PIWIL1: variants seen among roughly 807,000 people sequenced by gnomAD.
PIWIL1 encodes the protein piwi like RNA-mediated gene silencing 1.
In PIWIL1, 73 loss-of-function variants were observed where a neutral mutation model predicts 114.4. That is an observed-to-expected ratio of 0.64 (90% CI 0.53 to 0.78). PIWIL1 has a LOEUF of 0.78. Among genes scored for constraint, PIWIL1 ranks in the 30% least tolerant of loss-of-function variants. The pLI, the probability that PIWIL1 is intolerant of heterozygous loss-of-function variation, is 0.00. For missense variants in PIWIL1, 723 were observed against 1,063.1 expected, an observed-to-expected ratio of 0.68 and a Z score of 4.45; for synonymous variants, 375 against 369.0, an observed-to-expected ratio of 1.02 and a Z score of -0.19.
the PIWIL1 span, among the ~76,000 whole-genome samples, chr12:130,400,117 C>T: frequency 1.3e-5 from 2 of 152,276 alleles, no homozygotes; most frequent in Admixed American, 1.3e-4. Context: ...CACTCCTTGG[C>T]AGATCTCATT....
the PIWIL1 span, chr12:130,414,420 CT>C: frequency 9.4e-7 from 1 of 1,061,846 alleles, no homozygotes; most frequent in Admixed American, 2.7e-5. Flanking sequence ...TGACTTTTGT[CT>C]TTTTTGTGTC....
At chr12:130,418,662 AG>A in the PIWIL1 span, among the ~76,000 whole-genome samples, 1 of 152,214 alleles carries the variant, frequency 6.6e-6, no homozygotes, top group Non-Finnish European at 1.5e-5. Flanking sequence ...CAAAACGTGC[AG>A]AGGGGTCAGG....
the PIWIL1 span, among the ~76,000 whole-genome samples, chr12:130,406,412 T>C: frequency 6.6e-6 from 1 of 152,226 alleles, no homozygotes; most frequent in Non-Finnish European, 1.5e-5. Context: ...CACAGTCTTC[T>C]AGAAAGTAAG....
chr12:130,364,167 T>A (rs1302959925), intron 18 of PIWIL1, among the ~76,000 whole-genome samples: 1 of 152,248 alleles, frequency 6.6e-6, no homozygotes, highest in Non-Finnish European at 1.5e-5. Flanking sequence ...AAGGGCTAAG[T>A]GCATAATACA....
chr12:130,419,048 C>T, the PIWIL1 span, among the ~76,000 whole-genome samples: 12 of 152,156 alleles, frequency 7.9e-5, no homozygotes, highest in African/African-American at 2.7e-4. This position sits in a 1 kb window ranked among gnomAD's most constrained non-coding sequence, Gnocchi z 4.3. Flanking sequence ...TGCGGTGACT[C>T]CACCGTATGT....
the PIWIL1 span, among the ~76,000 whole-genome samples, chr12:130,380,251 C>T: frequency 6.6e-6 from 1 of 151,734 alleles, no homozygotes; most frequent in East Asian, 1.9e-4. Context: ...CAAGCATTGA[C>T]AATTCCTTCA....
chr12:130,414,348 T>A, the PIWIL1 span: 1 of 1,524,350 alleles, frequency 6.6e-7, no homozygotes, highest in Non-Finnish European at 8.8e-7. Flanking sequence ...GCAGTGAGCC[T>A]AACTGAGGAG....
the PIWIL1 span, chr12:130,420,863 G>A: frequency 9.9e-5 from 15 of 152,132 alleles, no homozygotes; most frequent in Admixed American, 9.8e-4. This position sits in a 1 kb window ranked among gnomAD's most constrained non-coding sequence, Gnocchi z 4.3. Context: ...CTCAGTCCTA[G>A]GAGACTGGAG....
the PIWIL1 span, among the ~76,000 whole-genome samples, chr12:130,393,324 C>G: frequency 2.7e-5 from 4 of 150,674 alleles, no homozygotes; most frequent in Admixed American, 1.3e-4. Context: ...GTTGTGATGA[C>G]CCGGTCACCA....
At chr12:130,356,599 A>G (rs1003186461) in intron 12 of PIWIL1, among the ~76,000 whole-genome samples, 1 of 152,208 alleles carries the variant, frequency 6.6e-6, no homozygotes, top group Non-Finnish European at 1.5e-5. Flanking sequence ...TTCATTATGA[A>G]GAAAGAGTAG....
Position 130,355,585 on chromosome 12 carries a change from G to A in PIWIL1, c.1322G>A (p.Trp441Ter), listed in dbSNP as rs1451658538. 1 of 1,613,968 alleles carries A rather than the reference G, an allele frequency of 6.2e-7. No homozygotes were observed. Among genetic ancestry groups the A allele is most frequent in the Non-Finnish European group, 8.5e-7 (1 of 1,179,804 alleles). The stretch of plus-strand genomic sequence containing the variant: ...AATGTTCAAAGGGAGCTTCGAGACT[G>A]GGGTTTGAGCTTTGATTCCAACTTA... Reference protein sequence around the residue: ...NDNVQRELRDWGLSFDSNLLS... With the variant: ...NDNVQRELRD Residue 441 changes from tryptophan (W) to a stop codon, truncating the protein, a stop_gained, in exon 12 of 21, where the codon TGG becomes TAG. Coordinates refer to ENST00000245255, the MANE Select transcript of PIWIL1 (RefSeq NM_004764.5). LOFTEE classifies it high-confidence loss of function.
At chr12:130,407,915 C>G in the PIWIL1 span, 1 of 1,201,398 alleles carries the variant, frequency 8.3e-7, no homozygotes, top group Non-Finnish European at 1.2e-6. Flanking sequence ...TCACACATGG[C>G]CAATACAGCC....
intron 19 of PIWIL1, among the ~76,000 whole-genome samples, chr12:130,369,537 T>TC (rs139708335): frequency 0.88 from 133,944 of 152,090 alleles, 59,379 homozygotes; most frequent in Non-Finnish European, 0.93. Context: ...TTCCTATTTC[T>TC]CTCAGCCTTG....
At chr12:130,369,869 T>A (rs1215345211) in intron 19 of PIWIL1, among the ~76,000 whole-genome samples, 1 of 152,192 alleles carries the variant, frequency 6.6e-6, no homozygotes, top group Non-Finnish European at 1.5e-5. Context: ...TCTCTTGCTG[T>A]GCAGAAATTC....
At chr12:130,377,253 G>C (rs2073873945), downstream of PIWIL1, among the ~76,000 whole-genome samples, 1 of 152,174 alleles carries the variant, frequency 6.6e-6, no homozygotes, top group Non-Finnish European at 1.5e-5. Context: ...GATATTTATT[G>C]AACGGATAGG....
chr12:130,354,745 T>C, intron 10 of PIWIL1, 82 bp downstream of exon 10: 2 of 1,500,402 alleles, frequency 1.3e-6, no homozygotes, highest in Non-Finnish European at 1.8e-6. Context: ...ATTCCTTTAC[T>C]TCCCCTTCCC....
intron 12 of PIWIL1, among the ~76,000 whole-genome samples, chr12:130,356,010 A>G (rs751734401): frequency 1.5e-4 from 23 of 152,072 alleles, no homozygotes; most frequent in Non-Finnish European, 3.1e-4. Context: ...TGGGTCCTCA[A>G]AAATCATCTG....
At position 130,357,079 on chromosome 12, in the gene PIWIL1, G is replaced by A. The variant is rs754901536; in HGVS notation, c.1566G>A (p.Met522Ile). The A allele has an allele frequency of 3.1e-6, 5 of 1,610,608 alleles. No homozygotes were observed. Among genetic ancestry groups the A allele is most frequent in the Admixed American group, 1.7e-5 (1 of 59,742 alleles). ...ATCTATTTAAAGTTACACCAGCCATGGGCATGCAAATGAGAAAAGCAATAA... is the reference window on the plus strand; with the variant it reads ...ATCTATTTAAAGTTACACCAGCCATAGGCATGCAAATGAGAAAAGCAATAA... The part of the protein sequence containing the change: ...IQNLFKVTPA[M>I]GMQMRKAIMI... The change falls in exon 13 of 21, where the codon ATG (methionine) becomes ATA (isoleucine). Residue 522 changes from methionine to isoleucine, a missense_variant. By Grantham distance (10) the Met-to-Ile change is conservative. This residue lies in a region of PIWIL1 where 298 missense variants were observed against 420.8 expected (regional missense o/e 0.71). Transcript: ENST00000245255.
the PIWIL1 span, among the ~76,000 whole-genome samples, chr12:130,382,762 C>T: frequency 1.3e-5 from 2 of 152,158 alleles, no homozygotes; most frequent in Non-Finnish European, 2.9e-5. Flanking sequence ...AAGGTTTATA[C>T]TGTTTAATTG....
Sources: gnomAD v4.1 joint callset for allele counts (sites outside exome capture counted in the v4.1 genomes callset) on GRCh38, gnomAD v4.1.1 for gene constraint, gnomAD v4.1.1 regional missense constraint, Gnocchi (gnomAD v3.1) non-coding constraint, MANE v1.5 for transcripts, NCBI Gene and HGNC (gene_info 2026-07-23, HGNC 2026-07-21) for gene names.